The following RHOG variants were observed in gnomAD, a reference collection of about 807,000 sequenced individuals.
RHOG encodes rho-related GTP-binding protein RhoG.
Under a neutral mutation model 12.3 loss-of-function variants are expected in RHOG, and 1 was observed. The ratio of observed to expected loss-of-function variants is 0.08; its 90% confidence interval spans 0.03 to 0.39. The LOEUF (loss-of-function observed/expected upper bound fraction) is 0.39, where lower values mean the gene tolerates loss of function less well. Ranked by LOEUF, RHOG falls within the 10% of genes least tolerant of loss-of-function variation. RHOG has a pLI of 0.99. For missense variants in RHOG, 114 were observed against 266.2 expected (o/e 0.43, Z 3.98); for synonymous variants, 129 against 116.0 (o/e 1.11, Z -0.72).
chr11:3,834,982 C>T (rs1238647290), intron 1 of RHOG, among the ~76,000 whole-genome samples: 1 of 152,314 alleles, frequency 6.6e-6, no homozygotes, highest in East Asian at 1.9e-4. Context: ...CCGTAAAATA[C>T]ACCAAGTAGT....
chr11:3,827,860 C>T lies in RHOG; in HGVS notation c.279G>A (p.Val93=), dbSNP rs1429626864. Residue 93 remains valine (V), a synonymous_variant, in exon 2 of 2, where the codon GTG becomes GTA. Transcript: ENST00000351018. The surrounding 1 kb of genome is among the most constrained non-coding windows in gnomAD (Gnocchi z 7.3). ...ACACCTCTGGATGCCACTTGTGCCG[C>T]ACGTTCTCATAGGACGGCGGACTGG... ...SIASPPSYEN[V]RHKWHPEVCH... 6.2e-7 allele frequency: 1 copy of T among 1,614,214 alleles called. No individual in the cohort carries two copies. Among genetic ancestry groups the T allele is most frequent in the East Asian group, 2.2e-5 (1 of 44,882 alleles).
At chr11:3,830,994 C>T (rs1410553746) in intron 1 of RHOG, among the ~76,000 whole-genome samples, 1 of 152,114 alleles carries the variant, frequency 6.6e-6, no homozygotes, top group Non-Finnish European at 1.5e-5. Context: ...CTCCCACAAC[C>T]AGGGCCTGCT....
In RHOG at chr11:3,839,452, A is replaced by G. The variant is rs185622064; in HGVS notation, c.-69+1442T>C. Among the ~76,000 whole-genome samples, 555 of 151,486 alleles carry G rather than the reference A, an allele frequency of 3.7e-3. 1 individual carries two copies. Among genetic ancestry groups the G allele is most frequent in the African/African-American group, 0.012 (514 of 41,250 alleles). On this transcript the variant is annotated intron_variant, in intron 1 of 1. Coordinates refer to ENST00000351018, the MANE Select transcript of RHOG (RefSeq NM_001665.4). Reference sequence around the variant, plus strand: ...AGGGCAGTTATTTTGTCTGTAAGAGATAAAGATGTAGTCACACAGACACGC... The same window carrying G: ...AGGGCAGTTATTTTGTCTGTAAGAGGTAAAGATGTAGTCACACAGACACGC...
chr11:3,831,442 G>GTA (rs369072225), intron 1 of RHOG, among the ~76,000 whole-genome samples: 21,024 of 152,052 alleles, frequency 0.14, 1,552 homozygotes, highest in Middle Eastern at 0.17. Flanking sequence ...GCGCGTGCAC[G>GTA]TGTGCATGCA....
chr11:3,839,315 T>C (rs1419677757), intron 1 of RHOG, among the ~76,000 whole-genome samples: 1 of 152,112 alleles, frequency 6.6e-6, no homozygotes, highest in East Asian at 1.9e-4. Context: ...TATTCCTGTG[T>C]CACCCTACCC....
intron 1 of RHOG, among the ~76,000 whole-genome samples, chr11:3,829,375 C>G (rs1230087426): frequency 1.3e-5 from 2 of 151,584 alleles, no homozygotes; most frequent in Non-Finnish European, 2.9e-5. Flanking sequence ...CTCAGCCTCC[C>G]GAGTGGCTGG....
intron 1 of RHOG, among the ~76,000 whole-genome samples, chr11:3,831,284 G>T (rs543836945): frequency 3.2e-4 from 48 of 152,120 alleles, no homozygotes; most frequent in Non-Finnish European, 4.3e-4. Flanking sequence ...CCCAGGGCTT[G>T]GTCCCACCTC....
At chr11:3,831,519 C>T (rs1008115854) in intron 1 of RHOG, among the ~76,000 whole-genome samples, 2 of 152,156 alleles carry the variant, frequency 1.3e-5, no homozygotes, top group African/African-American at 4.8e-5. Context: ...ACCCTCTAGG[C>T]CAGTGGAGAG....
chr11:3,837,514 T>G (rs1372332655), intron 1 of RHOG, among the ~76,000 whole-genome samples: 1 of 151,906 alleles, frequency 6.6e-6, no homozygotes, highest in Non-Finnish European at 1.5e-5. Flanking sequence ...ATGAGCAGTC[T>G]CTTGGGGGAG....
At chr11:3,830,655 C>CAA (rs56236070) in intron 1 of RHOG, 58,853 of 138,614 alleles carry the variant, frequency 0.42, 13,249 homozygotes, top group South Asian at 0.56. Context: ...GACCCTGTCT[C>CAA]AAAAAAAAAA....
chr11:3,838,654 G>GA (rs35591517), intron 1 of RHOG, among the ~76,000 whole-genome samples: 38,696 of 152,134 alleles, frequency 0.25, 5,095 homozygotes, highest in South Asian at 0.39. Flanking sequence ...TGTGACATGG[G>GA]AAGATGACAG....
rs2090183438 is a variant in RHOG at position 3,840,326 on chromosome 11, G to A, written c.-69+568C>T. ...CATACAGACAACGACTGGGGTCGGC[G>A]GGGCTCCCCCACCCAACCCGGGTCC... On this transcript the variant is annotated intron_variant, in intron 1 of 1. Coordinates refer to ENST00000351018, the MANE Select transcript of RHOG (RefSeq NM_001665.4). Among the ~76,000 whole-genome samples the A allele has an allele frequency of 2.6e-5, 4 of 152,094 alleles. No homozygotes were observed. In the South Asian group the frequency reaches 8.3e-4, roughly 32 times the overall value.
At position 3,834,596 on chromosome 11, in the gene RHOG, G is replaced by A. The variant is rs978525106; in HGVS notation, c.-69+6298C>T. On this transcript the variant is annotated intron_variant, in intron 1 of 1. Coordinates refer to ENST00000351018, the MANE Select transcript of RHOG (RefSeq NM_001665.4). ...GTACCAGGCTGACCTGGCTCCGGCA[G>A]GAAGTATAGCCCATGGGGGTCTAAC... Among the ~76,000 whole-genome samples the A allele has an allele frequency of 2.0e-5, 3 of 152,244 alleles. 1 individual carries two copies. Among genetic ancestry groups the A allele is most frequent in the African/African-American group, 7.2e-5 (3 of 41,462 alleles).
At chr11:3,829,750 A>AT (rs2090114825) in intron 1 of RHOG, among the ~76,000 whole-genome samples, 1 of 149,088 alleles carries the variant, frequency 6.7e-6, no homozygotes, top group Admixed American at 6.7e-5. Flanking sequence ...GGTGGAGCAA[A>AT]TTTTTTTCTT....
chr11:3,835,837 AGTTTGTTT>A (rs76905884), intron 1 of RHOG, among the ~76,000 whole-genome samples: 1 of 151,880 alleles, frequency 6.6e-6, no homozygotes, highest in Non-Finnish European at 1.5e-5. Flanking sequence ...AAGCTCTACA[AGTTTGTTT>A]GTTTGTTTGT....
chr11:3,836,931 A>AAT (rs2090161339), intron 1 of RHOG, among the ~76,000 whole-genome samples: 2 of 136,884 alleles, frequency 1.5e-5, no homozygotes, highest in Non-Finnish European at 3.2e-5. Context: ...AAAAAAAAAA[A>AAT]GCTGAGCCTC....
At chr11:3,840,336 C>G (rs2090183539) in intron 1 of RHOG, among the ~76,000 whole-genome samples, 1 of 152,200 alleles carries the variant, frequency 6.6e-6, no homozygotes, top group East Asian at 1.9e-4. Flanking sequence ...GGGGCTCCCC[C>G]ACCCAACCCG....
At chr11:3,828,826 T>C (rs987643790) in intron 1 of RHOG, among the ~76,000 whole-genome samples, 19 of 151,836 alleles carry the variant, frequency 1.3e-4, no homozygotes, top group East Asian at 5.8e-4. Context: ...TTCACCGTGT[T>C]GGCCAGGATG....
At chr11:3,831,722 G>T (rs1451721) in intron 1 of RHOG, among the ~76,000 whole-genome samples, 97,683 of 152,072 alleles carry the variant, frequency 0.64, 31,416 homozygotes, top group Middle Eastern at 0.69. Flanking sequence ...TGGAGGCAGG[G>T]GGCATTATTT....
Sources: gnomAD v4.1 joint callset for allele counts (sites outside exome capture counted in the v4.1 genomes callset) on GRCh38, gnomAD v4.1.1 for gene constraint, Gnocchi (gnomAD v3.1) non-coding constraint, MANE v1.5 for transcripts, NCBI Gene and HGNC (gene_info 2026-07-23, HGNC 2026-07-21) for gene names.